The following SPAG16 variants were observed in gnomAD, a reference collection of about 807,000 sequenced individuals.
SPAG16 encodes sperm-associated antigen 16 protein.
In SPAG16, 86 loss-of-function variants were observed where a neutral mutation model predicts 80.4. That is an observed-to-expected ratio of 1.07 (90% CI 0.90 to 1.28). SPAG16 has a LOEUF of 1.28. Ranked by LOEUF, SPAG16 falls within the 50% of genes most tolerant of loss-of-function variation. The pLI is 0.00. For synonymous variants in SPAG16, 294 were observed against 265.9 expected (o/e 1.11, Z -1.03); for missense variants, 870 against 765.3 (o/e 1.14, Z -1.61).
intron 15 of SPAG16, among the ~76,000 whole-genome samples, chr2:214,193,873 C>G (rs1247489859): frequency 1.3e-5 from 2 of 152,042 alleles, no homozygotes; most frequent in Non-Finnish European, 2.9e-5. Context: ...TAAGTATCAT[C>G]TCTGTGTAAA....
At chr2:213,880,692 A>G (rs1043831732) in intron 11 of SPAG16, among the ~76,000 whole-genome samples, 2 of 152,234 alleles carry the variant, frequency 1.3e-5, no homozygotes, top group Non-Finnish European at 2.9e-5. Context: ...TCTTGTGCAT[A>G]TAACTAGCCA....
chr2:214,253,128 C>A (rs1690422072), intron 15 of SPAG16, among the ~76,000 whole-genome samples: 1 of 144,856 alleles, frequency 6.9e-6, no homozygotes, highest in Admixed American at 7.0e-5. Context: ...TCATATCCTT[C>A]ACCCACTTTT....
Position 213,296,537 on chromosome 2 carries a change from A to G in SPAG16, c.183+427A>G, listed in dbSNP as rs577195774. Among the ~76,000 whole-genome samples, 34 of 152,136 alleles carry G rather than the reference A, an allele frequency of 2.2e-4. 2 individuals carry two copies. The highest frequency in any genetic ancestry group is 2.4e-5 in the African/African-American group (1 of 41,428). Reference sequence around the variant, plus strand: ...TCTATCTAATGTGGTTCCTATCTCAAAGCTTTCCTTTAATTCATTGTTCCC... The same window carrying G: ...TCTATCTAATGTGGTTCCTATCTCAGAGCTTTCCTTTAATTCATTGTTCCC... On this transcript the variant is annotated intron_variant, in intron 2 of 15. Transcript: ENST00000331683.
intron 15 of SPAG16, among the ~76,000 whole-genome samples, chr2:214,195,721 G>A (rs2057817053): frequency 6.6e-6 from 1 of 151,972 alleles, no homozygotes; most frequent in South Asian, 2.1e-4. Context: ...AATCAGGAGG[G>A]AAATCAGCAG....
chr2:214,065,748 A>G (rs1180322246), intron 13 of SPAG16, among the ~76,000 whole-genome samples: 1 of 152,162 alleles, frequency 6.6e-6, no homozygotes, highest in Non-Finnish European at 1.5e-5. Context: ...CCTGGTTAAA[A>G]TAAGAAGCCC....
At chr2:214,365,160 A>C (rs1699396765) in intron 15 of SPAG16, among the ~76,000 whole-genome samples, 2 of 152,268 alleles carry the variant, frequency 1.3e-5, no homozygotes, top group Non-Finnish European at 2.9e-5. Flanking sequence ...TTTTAACAAG[A>C]GATAGGAAAT....
chr2:214,355,684 A>G (rs1216479925), intron 15 of SPAG16, among the ~76,000 whole-genome samples: 1 of 151,780 alleles, frequency 6.6e-6, no homozygotes, highest in Non-Finnish European at 1.5e-5. Context: ...TATATACCCA[A>G]AAGACTATAA....
intron 10 of SPAG16, among the ~76,000 whole-genome samples, chr2:213,710,794 C>A (rs747576542): frequency 6.6e-6 from 1 of 152,172 alleles, no homozygotes; most frequent in South Asian, 2.1e-4. Context: ...ATCGAAGTAA[C>A]TTAAGATGTT....
At chr2:213,692,776 C>G (rs1160102476) in intron 10 of SPAG16, among the ~76,000 whole-genome samples, 1 of 148,964 alleles carries the variant, frequency 6.7e-6, no homozygotes, top group Non-Finnish European at 1.5e-5. Context: ...CGCCACTGCA[C>G]TCCACCCTGG....
intron 10 of SPAG16, among the ~76,000 whole-genome samples, chr2:213,494,101 T>A (rs1409068347): frequency 6.6e-6 from 1 of 152,210 alleles, no homozygotes; most frequent in Non-Finnish European, 1.5e-5. Flanking sequence ...GTTTTCCTGC[T>A]GACTCCCAGG....
chr2:213,634,816 T>A (rs532145643), intron 10 of SPAG16, among the ~76,000 whole-genome samples: 2 of 152,198 alleles, frequency 1.3e-5, no homozygotes, highest in Admixed American at 6.5e-5. Context: ...TACATCTTCA[T>A]ACCTTACCTC....
intron 12 of SPAG16, among the ~76,000 whole-genome samples, chr2:213,989,954 G>A (rs1045189555): frequency 6.6e-6 from 1 of 151,924 alleles, no homozygotes; most frequent in African/African-American, 2.4e-5. Context: ...AAATTGCCTT[G>A]ATTTTAGAAT....
chr2:213,860,783 A>G (rs1265755524), intron 10 of SPAG16, among the ~76,000 whole-genome samples: 2 of 152,146 alleles, frequency 1.3e-5, no homozygotes, highest in African/African-American at 2.4e-5. Flanking sequence ...AAAAACATCA[A>G]TGATTTTAGT....
intron 9 of SPAG16, among the ~76,000 whole-genome samples, chr2:213,442,147 C>G (rs1182612633): frequency 6.8e-6 from 1 of 146,790 alleles, no homozygotes; most frequent in East Asian, 1.9e-4. Context: ...GACTCCGTCT[C>G]AAAAAACAAA....
At chr2:214,108,353 T>A in intron 14 of SPAG16, 92 bp downstream of exon 14, 1 of 1,036,578 alleles carries the variant, frequency 9.6e-7, no homozygotes, top group Non-Finnish European at 1.5e-6. Context: ...AATGGTAAGT[T>A]AATGAGGTGA....
chr2:213,299,455 T>G (rs1287569509), intron 3 of SPAG16, among the ~76,000 whole-genome samples: 1 of 151,614 alleles, frequency 6.6e-6, no homozygotes, highest in African/African-American at 2.4e-5. Flanking sequence ...TTTTTTTGTA[T>G]TTTTAGTAGA....
intron 9 of SPAG16, among the ~76,000 whole-genome samples, chr2:213,406,873 G>C (rs982119287): frequency 6.6e-6 from 1 of 150,806 alleles, no homozygotes; most frequent in African/African-American, 2.4e-5. Flanking sequence ...GGTGGCCTCA[G>C]GGGTGAGAAA....
chr2:213,648,969 GA>G (rs1334255268), intron 10 of SPAG16, among the ~76,000 whole-genome samples: 3 of 151,602 alleles, frequency 2.0e-5, no homozygotes, highest in Admixed American at 6.6e-5. Flanking sequence ...TATTTAGTCT[GA>G]AAAAAAATAA....
At chr2:213,664,861 A>G (rs2063548128) in intron 10 of SPAG16, among the ~76,000 whole-genome samples, 1 of 152,026 alleles carries the variant, frequency 6.6e-6, no homozygotes, top group African/African-American at 2.4e-5. Flanking sequence ...ATATTCATAT[A>G]CATATTGACC....
Sources: allele counts gnomAD v4.1 joint callset (sites outside exome capture counted in the v4.1 genomes callset), GRCh38; gene constraint gnomAD v4.1.1; transcripts MANE v1.5; gene names NCBI Gene and HGNC (gene_info 2026-07-23, HGNC 2026-07-21).